Variants in SRRM4 observed in about 807,000 individuals in gnomAD.
SRRM4 encodes the protein serine/arginine repetitive matrix protein 4.
A neutral mutation model predicts 68.9 loss-of-function variants in SRRM4; 33 were observed. The ratio of observed to expected loss-of-function variants is 0.48; its 90% CI spans 0.36 to 0.64. SRRM4 has a LOEUF of 0.64. Among genes scored for constraint, SRRM4 ranks in the 30% least tolerant of loss-of-function variants. The pLI is 0.00. For synonymous variants in SRRM4, 318 were observed against 318.8 expected, an observed-to-expected ratio of 1.00 and a Z score of 0.03; for missense variants, 817 against 827.1, an observed-to-expected ratio of 0.99 and a Z score of 0.15.
Position 119,102,193 on chromosome 12 carries a change from T to C in SRRM4, c.132-43T>C, listed in dbSNP as rs377583847. 4.8e-5 allele frequency: 75 copies of C among 1,557,188 alleles called. No homozygotes were observed. In the African/African-American group the frequency reaches 7.7e-4, roughly 16 times the overall value. On this transcript the variant is annotated intron_variant, in intron 1 of 12. Coordinates refer to ENST00000267260, the MANE Select transcript of SRRM4 (RefSeq NM_194286.4). ...ATATTTAATGAACATTAAGTGTCTC[T>C]GTATATTCTAACACTTTTGTGTCCT...
intron 8 of SRRM4, among the ~76,000 whole-genome samples, chr12:119,133,685 G>A (rs1262823079): frequency 6.6e-6 from 1 of 152,142 alleles, no homozygotes; most frequent in Non-Finnish European, 1.5e-5. Flanking sequence ...TTTTCTCTCT[G>A]TTAAAGCTAA....
intron 1 of SRRM4, chr12:119,000,638 A>G (rs951536258): frequency 3.3e-5 from 5 of 152,252 alleles, no homozygotes; most frequent in East Asian, 1.9e-4. Flanking sequence ...CAGAGAAAAT[A>G]TATTTACCAT....
At chr12:119,137,690 C>A (rs1954339616) in intron 8 of SRRM4, among the ~76,000 whole-genome samples, 1 of 151,660 alleles carries the variant, frequency 6.6e-6, no homozygotes, top group Non-Finnish European at 1.5e-5. Flanking sequence ...GGAAATAGTT[C>A]ACTTCCCCCC....
chr12:119,029,472 AC>A (rs1489838839), intron 1 of SRRM4, among the ~76,000 whole-genome samples: 1 of 152,178 alleles, frequency 6.6e-6, no homozygotes, highest in Non-Finnish European at 1.5e-5. Flanking sequence ...CCATTCAACA[AC>A]CAATGAGTCA....
chr12:119,042,669 G>T (rs935290451), intron 1 of SRRM4, among the ~76,000 whole-genome samples: 2 of 151,788 alleles, frequency 1.3e-5, no homozygotes, highest in East Asian at 3.9e-4. Flanking sequence ...AGGAGAAGAG[G>T]AAAGAAGGGC....
intron 1 of SRRM4, among the ~76,000 whole-genome samples, chr12:119,047,861 C>T (rs868156609): frequency 6.6e-6 from 1 of 152,198 alleles, no homozygotes; most frequent in African/African-American, 2.4e-5. Context: ...AATAAGCCCA[C>T]CCCTAGTAGG....
intron 1 of SRRM4, among the ~76,000 whole-genome samples, chr12:119,066,852 C>T (rs1272475280): frequency 6.6e-6 from 1 of 152,216 alleles, no homozygotes; most frequent in East Asian, 1.9e-4. Flanking sequence ...TGTCTTCCTG[C>T]TACTGGCTCT....
At chr12:118,988,141 C>T (rs1170743355) in intron 1 of SRRM4, among the ~76,000 whole-genome samples, 4 of 151,588 alleles carry the variant, frequency 2.6e-5, no homozygotes, top group Non-Finnish European at 5.9e-5. Context: ...AAAAAAACAG[C>T]GAAGGGAGAG....
At chr12:119,130,525 A>T (rs575260120) in intron 7 of SRRM4, among the ~76,000 whole-genome samples, 153 bp from the exon 8 acceptor site, 1 of 152,212 alleles carries the variant, frequency 6.6e-6, no homozygotes, top group Non-Finnish European at 1.5e-5. Flanking sequence ...TCATACACAC[A>T]CATGCAGACA....
intron 1 of SRRM4, among the ~76,000 whole-genome samples, chr12:119,086,680 T>C (rs930378104): frequency 2.0e-5 from 3 of 152,218 alleles, no homozygotes; most frequent in African/African-American, 7.2e-5. Flanking sequence ...CACAGCTTTC[T>C]GGTTGTGTGT....
At chr12:119,041,302 AAT>A (rs1397847776) in intron 1 of SRRM4, among the ~76,000 whole-genome samples, 2 of 152,114 alleles carry the variant, frequency 1.3e-5, no homozygotes, top group Non-Finnish European at 2.9e-5. Flanking sequence ...CCTCTAAATT[AAT>A]ATGATTTTGA....
At position 119,102,366 on chromosome 12, in the gene SRRM4, G is replaced by A; in HGVS notation, c.262G>A (p.Ala88Thr). ...AGACAAGACCTGTCGGGAACTGGGT[G>A]CCACCAGAGGACACAGGTGAGATCC... ...ERDKTCRELG[A>T]TRGHSASHDK... is the part of the protein sequence containing the mutation. Residue 88 changes from alanine to threonine, a missense_variant, in exon 2 of 13, where the codon GCC becomes ACC. Physicochemically the swap from Ala to Thr is moderately conservative, Grantham distance 58. Transcript: ENST00000267260. The A allele has an allele frequency of 6.2e-7, 1 of 1,612,394 alleles. No homozygotes were observed. The highest frequency in any genetic ancestry group is 1.7e-5 in the Admixed American group (1 of 59,798).
Position 119,125,418 on chromosome 12 carries a change from C to A in SRRM4, c.553C>A (p.His185Asn). The A allele has an allele frequency of 1.2e-6, 2 of 1,613,764 alleles. No individual in the cohort carries two copies. The highest frequency in any genetic ancestry group is 1.1e-5 in the South Asian group (1 of 91,030). ...SRPRKSHRHRHHRCPSRSQSS... is the reference protein window; with the variant it reads ...SRPRKSHRHRNHRCPSRSQSS... ...GCCCCGAAAGTCTCACCGCCACCGC[C>A]ATCACCGCTGCCCCTCGCGGTCCCA... Residue 185 changes from histidine to asparagine, a missense_variant, in exon 7 of 13, where the codon CAT becomes AAT. His to Asn is a moderately conservative substitution (Grantham distance 68, BLOSUM62 1). Coordinates refer to ENST00000267260, the MANE Select transcript of SRRM4 (RefSeq NM_194286.4).
chr12:119,033,969 A>G (rs376406224), intron 1 of SRRM4, among the ~76,000 whole-genome samples: 2 of 152,314 alleles, frequency 1.3e-5, no homozygotes. Flanking sequence ...TTGCTTAAGT[A>G]TTCTGGAAAC....
At chr12:119,016,463 A>C (rs973694698) in intron 1 of SRRM4, among the ~76,000 whole-genome samples, 1 of 151,728 alleles carries the variant, frequency 6.6e-6, no homozygotes, top group East Asian at 1.9e-4. Flanking sequence ...TTAAAAAAAA[A>C]AAAAAGAAAA....
chr12:118,983,201 T>C (rs1180987462), intron 1 of SRRM4, among the ~76,000 whole-genome samples: 1 of 152,202 alleles, frequency 6.6e-6, no homozygotes, highest in Non-Finnish European at 1.5e-5. Context: ...GTCTGAAGAA[T>C]CAAAGCCAGA....
At chr12:119,073,872 A>G (rs1440792852) in intron 1 of SRRM4, among the ~76,000 whole-genome samples, 1 of 152,128 alleles carries the variant, frequency 6.6e-6, no homozygotes, top group East Asian at 1.9e-4. Context: ...AAGAAACTCT[A>G]CTGCCTTCCT....
intron 1 of SRRM4, among the ~76,000 whole-genome samples, chr12:119,014,316 CA>C (rs536550512): frequency 4.0e-5 from 6 of 151,808 alleles, no homozygotes; most frequent in East Asian, 3.9e-4. Flanking sequence ...TTAGAACAGA[CA>C]AAAAAAATTA....
At chr12:119,109,136 G>A (rs1045552715) in intron 2 of SRRM4, among the ~76,000 whole-genome samples, 2 of 152,128 alleles carry the variant, frequency 1.3e-5, no homozygotes, top group Non-Finnish European at 2.9e-5. Context: ...CTTTAAGAAT[G>A]TTGAATATTG....
Sources: allele counts gnomAD v4.1 joint callset (sites outside exome capture counted in the v4.1 genomes callset), GRCh38; gene constraint gnomAD v4.1.1; transcripts MANE v1.5; gene names NCBI Gene and HGNC (gene_info 2026-07-23, HGNC 2026-07-21).